The following LINGO2 variants were observed in gnomAD, a reference collection of about 807,000 sequenced individuals.
The protein encoded by LINGO2 is leucine rich repeat and Ig domain containing 2, also known as leucine-rich repeat and immunoglobulin-like domain-containing nogo receptor-interacting protein 2.
Under a neutral mutation model 30.6 loss-of-function variants are expected in LINGO2, and 14 were observed. The ratio of observed to expected loss-of-function variants is 0.46; its 90% CI spans 0.30 to 0.72. The LOEUF is 0.72. Among genes scored for constraint, LINGO2 ranks in the 30% least tolerant of loss-of-function variants. The pLI is 0.07. For missense variants in LINGO2, 729 were observed against 751.7 expected, an observed-to-expected ratio of 0.97 and a Z score of 0.35; for synonymous variants, 317 against 288.5, an observed-to-expected ratio of 1.10 and a Z score of -1.00.
the LINGO2 span, among the ~76,000 whole-genome samples, chr9:28,907,812 T>A: frequency 2.6e-5 from 4 of 151,808 alleles, no homozygotes; most frequent in Non-Finnish European, 5.9e-5. Flanking sequence ...TAGGGGCTAA[T>A]GGAAAAGGAA....
the LINGO2 span, among the ~76,000 whole-genome samples, chr9:28,769,728 A>G: frequency 6.8e-6 from 1 of 146,512 alleles, no homozygotes; most frequent in Non-Finnish European, 1.5e-5. Flanking sequence ...CTTCTGCTTT[A>G]GTTTACTTAC....
rs139707845 is a variant in LINGO2, at chr9:28,146,779, A to G, written c.-86-134374T>C. 1.4e-3 allele frequency among the ~76,000 whole-genome samples: 213 copies of G among 152,334 alleles called. 1 individual carries two copies. Among genetic ancestry groups the G allele is most frequent in the African/African-American group, 4.9e-3 (205 of 41,566 alleles). Reference sequence around the variant, plus strand: ...AGTTGACCGAGCTGTCATGCTCACAATGACCAAATTATGTTTGTCATATTT... The same window carrying G: ...AGTTGACCGAGCTGTCATGCTCACAGTGACCAAATTATGTTTGTCATATTT... On this transcript the variant is annotated intron_variant, in intron 4 of 5. Coordinates refer to ENST00000379992, the Ensembl canonical transcript of LINGO2.
At chr9:28,084,241 T>A (rs1267608441) in intron 4 of LINGO2, among the ~76,000 whole-genome samples, 1 of 152,268 alleles carries the variant, frequency 6.6e-6, no homozygotes, top group East Asian at 1.9e-4. Context: ...GGTACTAAAA[T>A]CATTCTAATT....
At chr9:28,917,576 C>T in the LINGO2 span, among the ~76,000 whole-genome samples, 3 of 151,996 alleles carry the variant, frequency 2.0e-5, no homozygotes, top group Non-Finnish European at 4.4e-5. Flanking sequence ...TCTCAGCCTC[C>T]TGAGTAGCTG....
At chr9:29,063,325 T>G in the LINGO2 span, among the ~76,000 whole-genome samples, 1 of 151,944 alleles carries the variant, frequency 6.6e-6, no homozygotes, top group Non-Finnish European at 1.5e-5. Context: ...TTCATACATA[T>G]CCATTATTAG....
At chr9:28,955,469 C>A in the LINGO2 span, among the ~76,000 whole-genome samples, 1 of 152,038 alleles carries the variant, frequency 6.6e-6, no homozygotes, top group Non-Finnish European at 1.5e-5. Context: ...GAAAGCCACA[C>A]TGACTGCTGA....
the LINGO2 span, among the ~76,000 whole-genome samples, chr9:28,778,432 T>C: frequency 6.6e-6 from 1 of 152,164 alleles, no homozygotes; most frequent in East Asian, 1.9e-4. Context: ...GCCAACTTTT[T>C]CCTTTACTGA....
chr9:28,109,701 T>A (rs1826713606), intron 4 of LINGO2, among the ~76,000 whole-genome samples: 1 of 151,662 alleles, frequency 6.6e-6, no homozygotes, highest in Admixed American at 6.6e-5. Context: ...ACATGAAGGA[T>A]CTCTTCAAGA....
the LINGO2 span, among the ~76,000 whole-genome samples, chr9:28,702,472 C>T: frequency 2.6e-5 from 4 of 151,764 alleles, no homozygotes; most frequent in African/African-American, 9.7e-5. Context: ...CACTCACATA[C>T]CTGGAATAAA....
intron 2 of LINGO2, among the ~76,000 whole-genome samples, chr9:28,446,494 A>T (rs2135046710): frequency 6.6e-6 from 1 of 152,342 alleles, no homozygotes; most frequent in African/African-American, 2.4e-5. Context: ...AATATCCACC[A>T]TGCTGAACAA....
intron 1 of LINGO2, among the ~76,000 whole-genome samples, chr9:28,662,902 T>A (rs1828635788): frequency 6.6e-6 from 1 of 152,142 alleles, no homozygotes; most frequent in Non-Finnish European, 1.5e-5. Flanking sequence ...TAAGCAAAAA[T>A]GAGCCTTTCC....
chr9:28,322,918 T>A (rs533571779), intron 3 of LINGO2, among the ~76,000 whole-genome samples: 1 of 152,236 alleles, frequency 6.6e-6, no homozygotes. Flanking sequence ...CCTATTTATA[T>A]GTACACAGTG....
At chr9:28,699,248 T>G in the LINGO2 span, among the ~76,000 whole-genome samples, 1 of 151,986 alleles carries the variant, frequency 6.6e-6, no homozygotes, top group South Asian at 2.1e-4. Flanking sequence ...GGACTGTATT[T>G]TTTTGGCCCT....
intron 2 of LINGO2, among the ~76,000 whole-genome samples, chr9:28,446,623 G>A (rs959667887): frequency 7.9e-5 from 12 of 151,926 alleles, no homozygotes; most frequent in African/African-American, 2.2e-4. Flanking sequence ...TTGTTATTAC[G>A]TGCTCCAAAG....
chr9:28,750,653 TA>T, the LINGO2 span, among the ~76,000 whole-genome samples: 1 of 152,096 alleles, frequency 6.6e-6, no homozygotes. Flanking sequence ...TATTTGTGTC[TA>T]ACTGTTTATA....
the LINGO2 span, among the ~76,000 whole-genome samples, chr9:28,708,255 G>A: frequency 7.7e-4 from 117 of 152,162 alleles, 1 homozygote; most frequent in Non-Finnish European, 1.4e-3. Flanking sequence ...GCCCTGAAAA[G>A]CACAGAATTC....
chr9:28,694,369 A>C, the LINGO2 span, among the ~76,000 whole-genome samples: 1 of 151,988 alleles, frequency 6.6e-6, no homozygotes, highest in Non-Finnish European at 1.5e-5. Flanking sequence ...CTATGGCTAA[A>C]TTTTTGAATA....
the LINGO2 span, among the ~76,000 whole-genome samples, chr9:29,055,729 C>G: frequency 2.6e-5 from 4 of 151,998 alleles, no homozygotes; most frequent in African/African-American, 9.7e-5. Context: ...CACCCTTTCA[C>G]CAGAGTCCTC....
chr9:28,002,221 A>T (rs570957062), intron 5 of LINGO2, among the ~76,000 whole-genome samples: 2 of 152,220 alleles, frequency 1.3e-5, no homozygotes, highest in South Asian at 4.2e-4. Context: ...CCATGAACTT[A>T]CCGTCAGTGC....
Sources: allele counts gnomAD v4.1 joint callset (sites outside exome capture counted in the v4.1 genomes callset), GRCh38; gene constraint gnomAD v4.1.1; transcripts MANE v1.5; gene names NCBI Gene and HGNC (gene_info 2026-07-23, HGNC 2026-07-21).